MARK2: variants seen among roughly 807,000 people sequenced by gnomAD.
MARK2 encodes the protein serine/threonine-protein kinase MARK2.
MARK2 carries 16 observed loss-of-function variants against 89.8 expected under a neutral mutation model. The ratio of observed to expected loss-of-function variants is 0.18; its 90% CI spans 0.12 to 0.27. The LOEUF is 0.27. Ranked by LOEUF, MARK2 falls within the 10% of genes least tolerant of loss-of-function variation. The probability of loss-of-function intolerance (pLI) is 1.00; values close to 1 mark genes in which losing one functional copy is unlikely to be tolerated. For missense variants in MARK2, 621 were observed against 1,049.9 expected (o/e 0.59, Z 5.65); for synonymous variants, 382 against 399.5 (o/e 0.96, Z 0.52).
chr11:63,906,755 T>A (rs1373468537), intron 17 of MARK2, among the ~76,000 whole-genome samples: 1 of 151,738 alleles, frequency 6.6e-6, no homozygotes, highest in African/African-American at 2.4e-5. Context: ...TAGGAGCTTT[T>A]GTCTCACAAA....
intron 1 of MARK2, among the ~76,000 whole-genome samples, chr11:63,864,053 A>C (rs375913958): frequency 6.6e-6 from 1 of 151,900 alleles, no homozygotes; most frequent in African/African-American, 2.4e-5. Context: ...TCCTGGATTC[A>C]TGACATTCTC....
intron 1 of MARK2, among the ~76,000 whole-genome samples, chr11:63,886,344 G>A (rs1014360597): frequency 1.2e-4 from 18 of 151,802 alleles, no homozygotes; most frequent in South Asian, 2.1e-4. Flanking sequence ...GGCTTGTCTC[G>A]AATTCCCAGG....
At chr11:63,908,751 C>A in intron 18 of MARK2, 126 bp from the exon 19 acceptor site, 2 of 950,348 alleles carry the variant, frequency 2.1e-6, no homozygotes, top group Admixed American at 3.5e-5. Context: ...AGGCCAGGGG[C>A]CACGCCTGGC....
At chr11:63,881,043 C>G (rs548110814) in intron 1 of MARK2, among the ~76,000 whole-genome samples, 3 of 152,288 alleles carry the variant, frequency 2.0e-5, no homozygotes, top group African/African-American at 7.2e-5. Context: ...GTGGCTCACG[C>G]CTGTAATCCC....
Position 63,868,758 on chromosome 11 carries a change from G to C in MARK2, c.55-26401G>C, listed in dbSNP as rs1170485582. 8.8e-6 allele frequency: 4 copies of C among 455,724 alleles called. No homozygotes were observed. In the Admixed American group the frequency reaches 9.4e-5, roughly 11 times the overall value. 28.2% of individuals were successfully genotyped at this position (455,724 alleles called of 1,614,324 possible). On this transcript the variant is annotated intron_variant, in intron 1 of 18. Coordinates refer to ENST00000402010, the MANE Select transcript of MARK2 (RefSeq NM_001039469.3). ...CTCAGTCTTGCCTCTTTTTTGATGG[G>C]TGGGCAGAGGAACACTAGTGTTGGG... is the stretch of plus-strand genomic sequence containing the variant.
chr11:63,908,119 A>G lies in MARK2; in HGVS notation c.1962-141A>G. The G allele has an allele frequency of 4.3e-6, 3 of 691,118 alleles. No individual in the cohort carries two copies. In the South Asian group the frequency reaches 5.2e-5, roughly 12 times the overall value. The allele number at this position is 691,118 out of a possible 1,614,324, so 42.8% of individuals were successfully genotyped here. A position where few individuals can be genotyped will look rare whatever the true frequency, so the allele number is the denominator to read the frequency against. On this transcript the variant is annotated intron_variant, in intron 17 of 18. Transcript: ENST00000402010. ...TGCTGCAGAGCCCTGTTGGCTTGCC[A>G]GGTGATGGGCAGAGGGCCCTGGGCT...
intron 16 of MARK2, 25 bp downstream of exon 16, chr11:63,905,068 G>A (rs924519010): frequency 2.1e-6 from 3 of 1,403,020 alleles, no homozygotes; most frequent in Non-Finnish European, 2.9e-6. Context: ...TTGGGTGGCA[G>A]AGAGGCTCAG....
intron 18 of MARK2, 85 bp downstream of exon 18, chr11:63,908,389 G>C: frequency 8.6e-7 from 1 of 1,168,650 alleles, no homozygotes; most frequent in South Asian, 1.3e-5. Context: ...TCTGCCACTT[G>C]GCTCTTCCTC....
In MARK2 at chr11:63,902,137, A is replaced by G; in HGVS notation, c.1102-61A>G. The G allele has an allele frequency of 6.3e-7, 1 of 1,596,222 alleles. No homozygotes were observed. Among genetic ancestry groups the G allele is most frequent in the South Asian group, 1.1e-5 (1 of 90,250 alleles). On this transcript the variant is annotated intron_variant, in intron 11 of 18. Coordinates refer to ENST00000402010, the MANE Select transcript of MARK2 (RefSeq NM_001039469.3). The surrounding 1 kb of genome is among the most constrained non-coding windows in gnomAD (Gnocchi z 4.2). The stretch of plus-strand genomic sequence containing the variant: ...GAGGGCGGTATGTGTAAATGTGTCC[A>G]TCCATAGGGATCTCCACATGACTTC...
chr11:63,886,155 C>CT (rs1939387049), intron 1 of MARK2, among the ~76,000 whole-genome samples: 1 of 151,532 alleles, frequency 6.6e-6, no homozygotes, highest in Admixed American at 6.6e-5. Flanking sequence ...AGACGAGAGT[C>CT]TAATTCTGTC....
At chr11:63,841,717 C>G (rs1430553899) in intron 1 of MARK2, among the ~76,000 whole-genome samples, 4 of 152,240 alleles carry the variant, frequency 2.6e-5, no homozygotes, top group African/African-American at 4.8e-5. Flanking sequence ...AGTGCCTACT[C>G]TCAGTGAGGC....
Position 63,908,970 on chromosome 11 carries a change from G to A in MARK2, c.2100G>A (p.Lys700=), listed in dbSNP as rs746855937. ...PRSLRFTWSM[K]TTSSMEPNEM... is the part of the protein sequence containing the mutation. ...CCCTCCGCTTCACGTGGAGTATGAAGACCACGAGCTCCATGGAGCCCAACG... is the reference window on the plus strand; with the variant it reads ...CCCTCCGCTTCACGTGGAGTATGAAAACCACGAGCTCCATGGAGCCCAACG... The change falls in exon 19 of 19, where the codon AAG becomes AAA. Residue 700 remains lysine, a synonymous_variant. Coordinates refer to ENST00000402010, the MANE Select transcript of MARK2 (RefSeq NM_001039469.3). The A allele has an allele frequency of 6.4e-7, 1 of 1,561,760 alleles. No individual in the cohort carries two copies. Among genetic ancestry groups the A allele is most frequent in the Non-Finnish European group, 8.7e-7 (1 of 1,144,910 alleles).
intron 7 of MARK2, among the ~76,000 whole-genome samples, chr11:63,899,498 A>G (rs1464166119): frequency 6.6e-6 from 1 of 152,212 alleles, no homozygotes; most frequent in Non-Finnish European, 1.5e-5. Flanking sequence ...GCTGCTTTGC[A>G]GGCAGGCACA....
intron 1 of MARK2, among the ~76,000 whole-genome samples, chr11:63,842,512 C>G (rs1354825135): frequency 6.6e-6 from 1 of 152,004 alleles, no homozygotes; most frequent in African/African-American, 2.4e-5. Flanking sequence ...GGCCTGATTC[C>G]TGTATTCTTT....
chr11:63,904,369 G>A lies in MARK2; in HGVS notation c.1676+222G>A, dbSNP rs1941152554. Among the ~76,000 whole-genome samples, 1 of 152,180 alleles carries A rather than the reference G, an allele frequency of 6.6e-6. No homozygotes were observed. The highest frequency in any genetic ancestry group is 1.5e-5 in the Non-Finnish European group (1 of 68,016). On this transcript the variant is annotated intron_variant, in intron 15 of 18. Transcript: ENST00000402010. The surrounding 1 kb of genome is among the most constrained non-coding windows in gnomAD (Gnocchi z 6.3). Reference sequence around the variant, plus strand: ...TCTCAGAACAGGTATGCAGGAAGCTGTCCTAAGGCTCCAAAGGGAAACCTT... The same window carrying A: ...TCTCAGAACAGGTATGCAGGAAGCTATCCTAAGGCTCCAAAGGGAAACCTT...
At chr11:63,889,236 G>C (rs570065874) in intron 1 of MARK2, among the ~76,000 whole-genome samples, 1 of 152,274 alleles carries the variant, frequency 6.6e-6, no homozygotes, top group African/African-American at 2.4e-5. Context: ...CAGAGAGGAT[G>C]CTCCCGTGCT....
At chr11:63,840,207 T>C (rs1465667636) in intron 1 of MARK2, among the ~76,000 whole-genome samples, 1 of 146,682 alleles carries the variant, frequency 6.8e-6, no homozygotes, top group Non-Finnish European at 1.6e-5. Context: ...CACTTTCCCT[T>C]CTTTGCTCCA....
Position 63,902,537 on chromosome 11 carries a change from T to A in MARK2, c.1235-64T>A. 1 of 1,492,894 alleles carries A rather than the reference T, an allele frequency of 6.7e-7. No homozygotes were observed. Among genetic ancestry groups the A allele is most frequent in the Non-Finnish European group, 9.2e-7 (1 of 1,085,296 alleles). 92.5% of individuals were successfully genotyped at this position (1,492,894 alleles called of 1,614,324 possible). A position where few individuals can be genotyped will look rare whatever the true frequency, so the allele number is the denominator to read the frequency against. ...TGGCCAGCCCTGTAGGAAATGAGCA[T>A]GCGTGGGGCTGGCACTCAGTGGACC... On this transcript the variant is annotated intron_variant, in intron 12 of 18. Transcript: ENST00000402010. This position sits in a 1 kb window ranked among gnomAD's most constrained non-coding sequence, Gnocchi z 4.2.
intron 1 of MARK2, among the ~76,000 whole-genome samples, chr11:63,849,558 G>C (rs548795246): frequency 3.9e-5 from 6 of 152,186 alleles, no homozygotes; most frequent in Non-Finnish European, 8.8e-5. Context: ...TTCGAGACCA[G>C]CCTGACCAAC....
Sources: gnomAD v4.1 joint callset for allele counts (sites outside exome capture counted in the v4.1 genomes callset) on GRCh38, gnomAD v4.1.1 for gene constraint, Gnocchi (gnomAD v3.1) non-coding constraint, MANE v1.5 for transcripts, NCBI Gene and HGNC (gene_info 2026-07-23, HGNC 2026-07-21) for gene names.